Variants in ZNRF3 observed in about 807,000 individuals in gnomAD.
ZNRF3 encodes the protein E3 ubiquitin-protein ligase ZNRF3.
Under a neutral mutation model 72.5 loss-of-function variants are expected in ZNRF3, and 23 were observed. The ratio of observed to expected loss-of-function variants is 0.32; its 90% CI spans 0.23 to 0.45. The LOEUF is 0.45. Among genes scored for constraint, ZNRF3 ranks in the 20% least tolerant of loss-of-function variants. ZNRF3 has a pLI of 1.00. For missense variants in ZNRF3, 1,169 were observed against 1,272.1 expected, an observed-to-expected ratio of 0.92 and a Z score of 1.23; for synonymous variants, 610 against 545.3, an observed-to-expected ratio of 1.12 and a Z score of -1.65.
chr22:29,017,318 TACAC>T (rs1311636136), intron 2 of ZNRF3, among the ~76,000 whole-genome samples: 2 of 152,186 alleles, frequency 1.3e-5, no homozygotes, highest in Non-Finnish European at 2.9e-5. Context: ...CAGGCAGGTG[TACAC>T]TGTCCAGTCT....
intron 1 of ZNRF3, among the ~76,000 whole-genome samples, chr22:28,905,868 T>C (rs1331629277): frequency 6.6e-6 from 1 of 152,234 alleles, no homozygotes; most frequent in African/African-American, 2.4e-5. Context: ...ATATTTCATA[T>C]CTGTTTTTTT....
At chr22:28,971,716 ATTTTT>A (rs2034114529) in intron 1 of ZNRF3, among the ~76,000 whole-genome samples, 2 of 152,124 alleles carry the variant, frequency 1.3e-5, no homozygotes, top group South Asian at 4.2e-4. Context: ...TAAATAAGAA[ATTTTT>A]AAGAGATGGT....
In ZNRF3 at chr22:28,887,231, AGAGAGTGTGTGT is replaced by A. The variant is rs1336614122; in HGVS notation, c.300+3167_300+3178del. On this transcript the variant is annotated intron_variant, in intron 1 of 8. Coordinates refer to ENST00000544604, the MANE Select transcript of ZNRF3 (RefSeq NM_001206998.2). ...ATTATATGCCAACGAAGAGAGAGAG[AGAGAGTGTGTGT>A]GTGTGTGTGTGTGTGTGTGTGTGTG... Among the ~76,000 whole-genome samples, 439 of 112,018 alleles carry A rather than the reference AGAGAGTGTGTGT, an allele frequency of 3.9e-3. 3 individuals are homozygous for A. Among genetic ancestry groups the A allele is most frequent in the African/African-American group, 0.021 (409 of 19,748 alleles). The allele number at this position is 112,018 out of a possible 152,430, so 73.5% of individuals were successfully genotyped here.
intron 1 of ZNRF3, among the ~76,000 whole-genome samples, chr22:28,905,331 G>A (rs1445950902): frequency 1.3e-5 from 2 of 152,182 alleles, no homozygotes; most frequent in Admixed American, 6.5e-5. Context: ...ATGATTTACA[G>A]TGTATGTTTT....
intron 1 of ZNRF3, among the ~76,000 whole-genome samples, chr22:28,928,973 A>G (rs2034656491): frequency 6.6e-6 from 1 of 152,176 alleles, no homozygotes; most frequent in Non-Finnish European, 1.5e-5. Flanking sequence ...TTTCAAACCA[A>G]TTTCTTTTTC....
At chr22:28,929,910 A>T (rs1323499137) in intron 1 of ZNRF3, among the ~76,000 whole-genome samples, 2 of 152,250 alleles carry the variant, frequency 1.3e-5, no homozygotes, top group East Asian at 3.8e-4. Flanking sequence ...TGCACTCCTT[A>T]CATTAACCTC....
intron 1 of ZNRF3, among the ~76,000 whole-genome samples, chr22:28,952,183 TG>T (rs2035175524): frequency 6.6e-6 from 1 of 152,278 alleles, no homozygotes; most frequent in Non-Finnish European, 1.5e-5. Context: ...CGTGATAGTT[TG>T]GTTCTTGCCA....
chr22:28,951,700 T>C (rs1278824327), intron 1 of ZNRF3, among the ~76,000 whole-genome samples: 1 of 152,198 alleles, frequency 6.6e-6, no homozygotes. Context: ...TGTGGTTCTC[T>C]TGCTCACCTT....
chr22:28,889,603 G>C (rs2033850130), intron 1 of ZNRF3, among the ~76,000 whole-genome samples: 5 of 152,200 alleles, frequency 3.3e-5, no homozygotes, highest in Admixed American at 3.3e-4. Context: ...ATGGATAAAT[G>C]ATAATTCTTA....
rs1441332271 is a variant in ZNRF3 at position 28,890,764 on chromosome 22, C to CT, written c.300+6699dup. ...CTGCTTGCTTGCTTTCTCTCTCTCT[C>CT]TCTTTTTTTTTTTGTCAGGGTCTCA... On this transcript the variant is annotated intron_variant, in intron 1 of 8. Coordinates refer to ENST00000544604, the MANE Select transcript of ZNRF3 (RefSeq NM_001206998.2). Among the ~76,000 whole-genome samples the CT allele has an allele frequency of 1.3e-3, 194 of 148,234 alleles. 1 individual carries two copies. The highest frequency in any genetic ancestry group is 4.7e-3 in the African/African-American group (184 of 39,046).
chr22:28,915,400 C>A (rs1453725807), intron 1 of ZNRF3, among the ~76,000 whole-genome samples: 1 of 152,172 alleles, frequency 6.6e-6, no homozygotes, highest in Non-Finnish European at 1.5e-5. Flanking sequence ...TCTTTATAGA[C>A]CCTCTCTCTA....
intron 1 of ZNRF3, among the ~76,000 whole-genome samples, chr22:28,943,968 G>A (rs1445687553): frequency 3.3e-5 from 5 of 150,840 alleles, no homozygotes; most frequent in African/African-American, 1.2e-4. Flanking sequence ...ACAAATTAGG[G>A]ACAAGGACAT....
intron 1 of ZNRF3, among the ~76,000 whole-genome samples, chr22:28,945,792 T>G (rs533015698): frequency 3.9e-5 from 6 of 152,112 alleles, no homozygotes; most frequent in African/African-American, 1.4e-4. Flanking sequence ...CCTCCTGAAG[T>G]GCTGGGATTA....
chr22:28,910,458 C>T (rs56662554), intron 1 of ZNRF3, among the ~76,000 whole-genome samples: 2,533 of 152,200 alleles, frequency 0.017, 72 homozygotes, highest in African/African-American at 0.058. Context: ...ACTTTGTTAC[C>T]GAATTATTGG....
At chr22:29,035,828 C>T (rs148153639) in intron 2 of ZNRF3, among the ~76,000 whole-genome samples, 2 of 152,286 alleles carry the variant, frequency 1.3e-5, no homozygotes, top group East Asian at 3.9e-4. Context: ...AATCCACCCT[C>T]CTTGGCCTCC....
intron 1 of ZNRF3, among the ~76,000 whole-genome samples, chr22:28,980,109 A>T (rs147518397): frequency 6.6e-6 from 1 of 152,156 alleles, no homozygotes; most frequent in Non-Finnish European, 1.5e-5. Context: ...GTATTTGTCC[A>T]TATCAGTTAA....
chr22:29,028,244 G>A (rs1417550876), intron 2 of ZNRF3, among the ~76,000 whole-genome samples: 1 of 152,156 alleles, frequency 6.6e-6, no homozygotes, highest in Admixed American at 6.5e-5. Flanking sequence ...ATAGGCCTGA[G>A]TTTTTAAGCA....
intron 2 of ZNRF3, among the ~76,000 whole-genome samples, 158 bp from the exon 3 acceptor site, chr22:29,042,337 G>A (rs972978115): frequency 6.6e-6 from 1 of 152,116 alleles, no homozygotes; most frequent in Non-Finnish European, 1.5e-5. Flanking sequence ...TTTATAGATG[G>A]GAAAATTGAG....
At chr22:28,885,134 G>A (rs906863662) in intron 1 of ZNRF3, among the ~76,000 whole-genome samples, 2 of 152,114 alleles carry the variant, frequency 1.3e-5, no homozygotes, top group African/African-American at 4.8e-5. Flanking sequence ...TGAAAAGAAG[G>A]GGACTCCATG....
Sources: gnomAD v4.1 joint callset for allele counts (sites outside exome capture counted in the v4.1 genomes callset) on GRCh38, gnomAD v4.1.1 for gene constraint, MANE v1.5 for transcripts, NCBI Gene and HGNC (gene_info 2026-07-23, HGNC 2026-07-21) for gene names.